The following ZC3H12B variants were observed in gnomAD, a reference collection of about 807,000 sequenced individuals.
ZC3H12B encodes probable ribonuclease ZC3H12B.
In ZC3H12B, 7 loss-of-function variants were observed where a neutral mutation model predicts 43.9. That is an observed-to-expected ratio of 0.16 (90% CI 0.09 to 0.30). The LOEUF is 0.30. Among genes scored for constraint, ZC3H12B ranks in the 10% least tolerant of loss-of-function variants. The pLI, the probability that ZC3H12B is intolerant of heterozygous loss-of-function variation, is 1.00. For synonymous variants in ZC3H12B, 222 were observed against 241.7 expected (o/e 0.92, Z 0.76); for missense variants, 475 against 670.2 (o/e 0.71, Z 3.22).
At chrX:65,342,882 G>A in the ZC3H12B span, among the ~76,000 whole-genome samples, 1 of 108,725 alleles carries the variant, frequency 9.2e-6, no homozygotes, top group African/African-American at 3.4e-5. Context: ...CCAAGAGTTT[G>A]TTTTTTAGAA....
chrX:65,485,238 A>G (rs922748348), upstream of ZC3H12B, among the ~76,000 whole-genome samples: 3 of 112,033 alleles, frequency 2.7e-5, no homozygotes, highest in Non-Finnish European at 5.6e-5. Flanking sequence ...TCAATCAGTA[A>G]CAATAAAAGG....
the ZC3H12B span, chrX:65,187,126 G>A: frequency 1.8e-5 from 2 of 111,719 alleles, no homozygotes; most frequent in Non-Finnish European, 1.9e-5. Context: ...TCAGTTTTTA[G>A]CATCCCACCT....
the ZC3H12B span, among the ~76,000 whole-genome samples, chrX:65,282,172 A>G: frequency 9.0e-6 from 1 of 111,509 alleles, no homozygotes; most frequent in Admixed American, 9.6e-5. Context: ...AATCTTAGCC[A>G]GGCACAGTGG....
the ZC3H12B span, among the ~76,000 whole-genome samples, chrX:65,084,818 G>A: frequency 1.8e-5 from 2 of 112,540 alleles, no homozygotes; most frequent in African/African-American, 6.4e-5. Flanking sequence ...CGTGTTTCTT[G>A]CAGCATTTTG....
the ZC3H12B span, among the ~76,000 whole-genome samples, chrX:65,083,359 C>A: frequency 9.0e-6 from 1 of 111,640 alleles, no homozygotes; most frequent in Non-Finnish European, 1.9e-5. Flanking sequence ...CTTAGAAAAA[C>A]CTTAAAATTA....
At chrX:65,144,526 G>T in the ZC3H12B span, among the ~76,000 whole-genome samples, 1 of 111,348 alleles carries the variant, frequency 9.0e-6, no homozygotes, top group Non-Finnish European at 1.9e-5. Flanking sequence ...GGTTTGGTGT[G>T]TTCTTGTTTC....
At chrX:65,259,908 A>T in the ZC3H12B span, among the ~76,000 whole-genome samples, 1 of 112,179 alleles carries the variant, frequency 8.9e-6, no homozygotes, top group African/African-American at 3.2e-5. Flanking sequence ...GAAATGAAAT[A>T]ATGGCATTTG....
chrX:65,222,548 A>G, the ZC3H12B span, among the ~76,000 whole-genome samples: 7 of 108,428 alleles, frequency 6.5e-5, no homozygotes, highest in Non-Finnish European at 1.3e-4. Flanking sequence ...GTACACCAAT[A>G]GCAACTAAGC....
chrX:65,451,809 A>G (rs966310788), intron 3 of ZC3H12B, among the ~76,000 whole-genome samples: 1 of 111,757 alleles, frequency 8.9e-6, no homozygotes, highest in Non-Finnish European at 1.9e-5. Flanking sequence ...TAATTTCCTT[A>G]TTAGTGAATC....
chrX:65,179,842 T>A, the ZC3H12B span, among the ~76,000 whole-genome samples: 1 of 111,802 alleles, frequency 8.9e-6, no homozygotes, highest in East Asian at 2.8e-4. Flanking sequence ...CCAATAACAA[T>A]TTCTGAAATT....
At chrX:65,212,401 T>G in the ZC3H12B span, among the ~76,000 whole-genome samples, 1 of 58,532 alleles carries the variant, frequency 1.7e-5, no homozygotes, top group Non-Finnish European at 2.8e-5. Flanking sequence ...TAATTATATT[T>G]ATATTTATAT....
intron 3 of ZC3H12B, chrX:65,408,215 T>C (rs1246916159): frequency 8.4e-7 from 1 of 1,192,418 alleles, no homozygotes; most frequent in African/African-American, 1.8e-5. Flanking sequence ...CAGCCTTAAA[T>C]TGGAATGTGA....
chrX:65,107,061 A>T, the ZC3H12B span, among the ~76,000 whole-genome samples: 8 of 111,270 alleles, frequency 7.2e-5, no homozygotes, highest in Non-Finnish European at 1.5e-4. Context: ...GGAAGCCATT[A>T]GTAACTTAGT....
At chrX:65,382,581 T>G (rs2066458619) in intron 2 of ZC3H12B, among the ~76,000 whole-genome samples, 1 of 111,412 alleles carries the variant, frequency 9.0e-6, no homozygotes, top group African/African-American at 3.3e-5. Context: ...CTATTCAGCA[T>G]AGTATTGGAA....
chrX:65,108,026 G>T, the ZC3H12B span, among the ~76,000 whole-genome samples: 1 of 111,168 alleles, frequency 9.0e-6, no homozygotes. Flanking sequence ...CATAGAAAAT[G>T]GACAGTAAAA....
At chrX:65,293,334 C>CA in the ZC3H12B span, among the ~76,000 whole-genome samples, 375 of 108,239 alleles carry the variant, frequency 3.5e-3, 1 homozygote, top group African/African-American at 9.8e-3. Flanking sequence ...CACCTTGGGA[C>CA]AAAAAAAAAT....
At chrX:65,073,729 G>T in the ZC3H12B span, among the ~76,000 whole-genome samples, 2 of 111,937 alleles carry the variant, frequency 1.8e-5, no homozygotes, top group South Asian at 7.5e-4. Context: ...GTCCGTGGTG[G>T]GAGAGGGGTC....
At chrX:65,502,860 C>T (rs764558199) in exon 5 of ZC3H12B, 1 of 1,211,642 alleles carries the variant, frequency 8.3e-7, no homozygotes, top group Non-Finnish European at 1.1e-6. Context: ...AGACGACCTC[C>T]CCTGTGCCGG....
chrX:65,049,982 A>G, the ZC3H12B span, among the ~76,000 whole-genome samples: 2 of 111,148 alleles, frequency 1.8e-5, no homozygotes, highest in Non-Finnish European at 3.8e-5. Context: ...TGGGTATGTT[A>G]TGTTTTCATT....
Sources: allele counts gnomAD v4.1 joint callset (sites outside exome capture counted in the v4.1 genomes callset), GRCh38; gene constraint gnomAD v4.1.1; transcripts MANE v1.5; gene names NCBI Gene and HGNC (gene_info 2026-07-23, HGNC 2026-07-21).